SRC: variants seen among roughly 807,000 people sequenced by gnomAD.
SRC encodes SRC proto-oncogene, non-receptor tyrosine kinase.
In SRC, 13 loss-of-function variants were observed where a neutral mutation model predicts 62.9. The ratio of observed to expected loss-of-function variants is 0.21; its 90% CI spans 0.13 to 0.33. The LOEUF is 0.33. SRC is among the 10% of genes least tolerant of loss of function. The pLI, the probability that SRC is intolerant of heterozygous loss-of-function variation, is 1.00. For missense variants in SRC, 457 were observed against 737.3 expected (o/e 0.62, Z 4.40); for synonymous variants, 302 against 317.5 (o/e 0.95, Z 0.52).
chr20:37,383,148 C>G (rs1234678435), intron 3 of SRC, among the ~76,000 whole-genome samples: 1 of 152,196 alleles, frequency 6.6e-6, no homozygotes, highest in Non-Finnish European at 1.5e-5. Context: ...ACAACAAAAA[C>G]AAAACAGGAC....
At chr20:37,392,560 T>G (rs995961840) in intron 5 of SRC, among the ~76,000 whole-genome samples, 1 of 152,112 alleles carries the variant, frequency 6.6e-6, no homozygotes, top group African/African-American at 2.4e-5. Flanking sequence ...TGGCCTTGGA[T>G]TGAGAAGAGC....
chr20:37,370,592 G>A (rs189464750), intron 2 of SRC, among the ~76,000 whole-genome samples: 97 of 152,206 alleles, frequency 6.4e-4, no homozygotes, highest in Non-Finnish European at 1.2e-3. Context: ...AAGTTAAACC[G>A]ACTTTATATT....
chr20:37,403,294 G>A lies in SRC; in HGVS notation c.1526G>A (p.Arg509Gln). 1 of 1,603,068 alleles carries A rather than the reference G, an allele frequency of 6.2e-7. No individual in the cohort carries two copies. The part of the protein sequence containing the change: ...CQCWRKEPEE[R>Q]PTFEYLQAFL... ...TGCTGGCGGAAGGAGCCTGAGGAGC[G>A]GCCCACCTTCGAGTACCTGCAGGCC... The change falls in exon 14 of 14, where the codon CGG becomes CAG. Residue 509 changes from arginine (R) to glutamine (Q), a missense_variant. Arg to Gln is a conservative substitution (Grantham distance 43, BLOSUM62 1). Transcript: ENST00000373578. The surrounding 1 kb of genome is among the most constrained non-coding windows in gnomAD (Gnocchi z 7.1).
chr20:37,396,029 A>G lies in SRC; in HGVS notation c.554-133A>G. 7.7e-7 allele frequency: 1 copy of G among 1,298,168 alleles called. No individual in the cohort carries two copies. Among genetic ancestry groups the G allele is most frequent in the Non-Finnish European group, 1.0e-6 (1 of 955,996 alleles). The allele number at this position is 1,298,168 out of a possible 1,614,324, so 80.4% of individuals were successfully genotyped here. A position where few individuals can be genotyped will look rare whatever the true frequency, so the allele number is the denominator to read the frequency against. Reference sequence around the variant, plus strand: ...GGCTGCCCCGGGGCTGGCTGTTGAGAGACAGGGTGGGCCTGGGGCCCCGCC... The same window carrying G: ...GGCTGCCCCGGGGCTGGCTGTTGAGGGACAGGGTGGGCCTGGGGCCCCGCC... On this transcript the variant is annotated intron_variant, in intron 7 of 13. Transcript: ENST00000373578. The surrounding 1 kb of genome is among the most constrained non-coding windows in gnomAD (Gnocchi z 6.1).
intron 1 of SRC, among the ~76,000 whole-genome samples, chr20:37,354,467 C>T (rs571991813): frequency 6.6e-6 from 1 of 152,192 alleles, no homozygotes; most frequent in Non-Finnish European, 1.5e-5. Flanking sequence ...GCTGCAGGGA[C>T]GGACTTCCAG....
intron 2 of SRC, among the ~76,000 whole-genome samples, chr20:37,366,304 A>G (rs2146959869): frequency 6.6e-6 from 1 of 152,314 alleles, no homozygotes; most frequent in Middle Eastern, 3.4e-3. Context: ...GCAATTTGCC[A>G]ATCTGATAGG....
chr20:37,404,734 G>T lies in SRC; in HGVS notation c.*1355G>T, dbSNP rs755310427. On this transcript the variant is annotated 3_prime_UTR_variant, in exon 14 of 14. Transcript: ENST00000373578. ...CCAGGCCCTGTGGCAGGACACACAT[G>T]GTGAGCCTAGCCCTGGGACATCAGG... 4.3e-6 allele frequency: 1 copy of T among 233,308 alleles called. No homozygotes were observed. Among genetic ancestry groups the T allele is most frequent in the African/African-American group, 2.2e-5 (1 of 45,358 alleles). 14.5% of individuals were successfully genotyped at this position (233,308 alleles called of 1,614,324 possible). A position where few individuals can be genotyped will look rare whatever the true frequency, so the allele number is the denominator to read the frequency against.
chr20:37,366,068 A>G (rs2070058528), intron 2 of SRC, among the ~76,000 whole-genome samples: 1 of 152,136 alleles, frequency 6.6e-6, no homozygotes, highest in Non-Finnish European at 1.5e-5. Context: ...TTAAGGACAG[A>G]TATTTTGGTT....
chr20:37,403,100 C>T lies in SRC; in HGVS notation c.1403-71C>T, dbSNP rs1160051438. 2.1e-6 allele frequency: 3 copies of T among 1,444,372 alleles called. No individual in the cohort carries two copies. The highest frequency in any genetic ancestry group is 4.3e-5 in the Admixed American group (2 of 46,386). The allele number at this position is 1,444,372 out of a possible 1,614,324, so 89.5% of individuals were successfully genotyped here. On this transcript the variant is annotated intron_variant, in intron 13 of 13. Coordinates refer to ENST00000373578, the MANE Select transcript of SRC (RefSeq NM_198291.3). This position sits in a 1 kb window ranked among gnomAD's most constrained non-coding sequence, Gnocchi z 7.1. ...TCCTAGGCAGGAAGCCCTCGCTGCC[C>T]TCCCCATCAGCTTCCCCCACCCCAC... is the stretch of plus-strand genomic sequence containing the variant.
chr20:37,400,325 G>A, intron 10 of SRC, 31 bp downstream of exon 10: 1 of 1,577,956 alleles, frequency 6.3e-7, no homozygotes, highest in African/African-American at 1.3e-5. Flanking sequence ...GCAGGGGGCA[G>A]GGGCACTCCG....
chr20:37,391,784 G>A (rs1421480344), intron 5 of SRC, among the ~76,000 whole-genome samples: 1 of 152,190 alleles, frequency 6.6e-6, no homozygotes, highest in Non-Finnish European at 1.5e-5. Context: ...AACCTGGGAG[G>A]TGAAGTTTGC....
At chr20:37,394,801 C>T (rs2070613827) in intron 7 of SRC, among the ~76,000 whole-genome samples, 2 of 152,258 alleles carry the variant, frequency 1.3e-5, no homozygotes, top group Non-Finnish European at 2.9e-5. Flanking sequence ...TGAGCTGCTT[C>T]CTGTGGGCCT....
intron 1 of SRC, among the ~76,000 whole-genome samples, chr20:37,363,452 A>G (rs558261479): frequency 1.3e-5 from 2 of 152,100 alleles, no homozygotes; most frequent in African/African-American, 2.4e-5. Flanking sequence ...TGCTCCTCAC[A>G]GGGGAGGTGG....
chr20:37,397,465 C>G lies in SRC; in HGVS notation c.704-234C>G, dbSNP rs3827968. On this transcript the variant is annotated intron_variant, in intron 8 of 13. Transcript: ENST00000373578. The surrounding 1 kb of genome is among the most constrained non-coding windows in gnomAD (Gnocchi z 4.1). ...CCTCCCCGCAGGGTTCCTGGCACCCCCTACTGTCTGCTGAATGACTGACTG... is the reference window on the plus strand; with the variant it reads ...CCTCCCCGCAGGGTTCCTGGCACCCGCTACTGTCTGCTGAATGACTGACTG... Among the ~76,000 whole-genome samples the G allele has an allele frequency of 2.0e-5, 3 of 152,214 alleles. No individual in the cohort carries two copies. The highest frequency in any genetic ancestry group is 7.2e-5 in the African/African-American group (3 of 41,454).
intron 2 of SRC, among the ~76,000 whole-genome samples, chr20:37,375,794 T>C (rs1568630070): frequency 6.6e-6 from 1 of 152,236 alleles, no homozygotes; most frequent in Admixed American, 6.5e-5. Flanking sequence ...GCTTAAACCA[T>C]GAACATTTAT....
In SRC at chr20:37,349,910, G is replaced by A. The variant is rs147785492; in HGVS notation, c.-247+3655G>A. Among the ~76,000 whole-genome samples, 90 of 152,334 alleles carry A rather than the reference G, an allele frequency of 5.9e-4. 1 individual carries two copies. The East Asian group carries it at 0.017, about 28-fold the overall frequency. On this transcript the variant is annotated intron_variant, in intron 1 of 13. Coordinates refer to ENST00000373578, the MANE Select transcript of SRC (RefSeq NM_198291.3). ...TTCGGTGTGATTGGTCCCATTTTCC[G>A]GTTGTAAGTACTAAGACCCAGGAAG...
intron 1 of SRC, among the ~76,000 whole-genome samples, chr20:37,363,715 G>T (rs532504624): frequency 2.0e-5 from 3 of 152,254 alleles, no homozygotes; most frequent in African/African-American, 7.2e-5. Flanking sequence ...AGCAGCTGGT[G>T]ACATTGGGTT....
chr20:37,394,758 G>A (rs760693929), intron 7 of SRC, among the ~76,000 whole-genome samples: 3 of 152,206 alleles, frequency 2.0e-5, no homozygotes, highest in Non-Finnish European at 4.4e-5. Context: ...TCTGAAAGTG[G>A]GTTGCAGGCG....
chr20:37,399,442 C>T (rs747080400), intron 9 of SRC, among the ~76,000 whole-genome samples: 28 of 152,144 alleles, frequency 1.8e-4, no homozygotes, highest in Non-Finnish European at 3.2e-4. Context: ...ACATGAGGCA[C>T]GTTCAAAGTC....
Sources: allele counts gnomAD v4.1 joint callset (sites outside exome capture counted in the v4.1 genomes callset), GRCh38; gene constraint gnomAD v4.1.1; non-coding constraint Gnocchi (gnomAD v3.1); transcripts MANE v1.5; gene names NCBI Gene and HGNC (gene_info 2026-07-23, HGNC 2026-07-21).